FA2H: variants seen among roughly 807,000 people sequenced by gnomAD.
FA2H encodes fatty acid alpha-hydroxylase.
A neutral mutation model predicts 44.9 loss-of-function variants in FA2H; 22 were observed. That is an observed-to-expected ratio of 0.49 (90% CI 0.35 to 0.70). FA2H has a LOEUF of 0.70. FA2H is among the 30% of genes least tolerant of loss of function. FA2H has a pLI of 0.01. For synonymous variants in FA2H, 243 were observed against 213.2 expected (o/e 1.14, Z -1.22); for missense variants, 501 against 504.9 (o/e 0.99, Z 0.07).
chr16:74,752,757 G>C (rs1469005523), intron 1 of FA2H, among the ~76,000 whole-genome samples: 2 of 152,176 alleles, frequency 1.3e-5, no homozygotes, highest in Non-Finnish European at 1.5e-5. Context: ...GAGCCCCCAA[G>C]ACAAACTGGG....
chr16:74,727,107 T>C (rs1449668453), intron 3 of FA2H, 137 bp downstream of exon 3: 13 of 1,200,770 alleles, frequency 1.1e-5, no homozygotes, highest in Non-Finnish European at 1.4e-5. Flanking sequence ...TCCCATGGCA[T>C]GTTCCTCCCT....
chr16:74,766,624 G>T (rs979962597), intron 1 of FA2H, among the ~76,000 whole-genome samples: 1 of 148,424 alleles, frequency 6.7e-6, no homozygotes, highest in Non-Finnish European at 1.5e-5. Context: ...TGAGGGGAAT[G>T]TTCCAGAAGG....
intron 2 of FA2H, among the ~76,000 whole-genome samples, chr16:74,737,559 C>A (rs183804083): frequency 7.9e-5 from 12 of 152,254 alleles, no homozygotes; most frequent in African/African-American, 2.9e-4. Context: ...TGTCCTCTCA[C>A]TCTTCCCAGC....
At chr16:74,733,752 T>C (rs1962125841) in intron 2 of FA2H, among the ~76,000 whole-genome samples, 1 of 152,152 alleles carries the variant, frequency 6.6e-6, no homozygotes, top group African/African-American at 2.4e-5. Context: ...CTTCCTGCTC[T>C]ACCTGACCAA....
intron 1 of FA2H, among the ~76,000 whole-genome samples, chr16:74,760,683 T>C (rs74700329): frequency 1.8e-3 from 270 of 152,320 alleles, no homozygotes; most frequent in Middle Eastern, 6.8e-3. Flanking sequence ...AGCAAACAGC[T>C]TCCGCCTAAG....
chr16:74,723,995 G>T (rs1183705392), intron 4 of FA2H, among the ~76,000 whole-genome samples: 1 of 152,088 alleles, frequency 6.6e-6, no homozygotes, highest in East Asian at 1.9e-4. Flanking sequence ...TCTGCCTCCT[G>T]GGTTCAAACG....
intron 2 of FA2H, among the ~76,000 whole-genome samples, chr16:74,729,573 T>C (rs951052434): frequency 6.6e-6 from 1 of 152,070 alleles, no homozygotes; most frequent in South Asian, 2.1e-4. Context: ...GTTTCACTCA[T>C]AGGGATGCAA....
chr16:74,740,014 G>T lies in FA2H; in HGVS notation c.363+9C>A. On this transcript the variant is annotated intron_variant, in intron 2 of 6. Transcript: ENST00000219368. ...CAGTCATCACCCCACTCCATCCTATGCCAGGTACCTTGTCCCAATCCACCA... is the reference window on the plus strand; with the variant it reads ...CAGTCATCACCCCACTCCATCCTATTCCAGGTACCTTGTCCCAATCCACCA... The T allele has an allele frequency of 6.2e-7, 1 of 1,604,076 alleles. No individual in the cohort carries two copies. Among genetic ancestry groups the T allele is most frequent in the Non-Finnish European group, 8.5e-7 (1 of 1,170,870 alleles).
chr16:74,774,779 G>GC lies in FA2H; in HGVS notation c.-25dup. 7.8e-7 allele frequency: 1 copy of GC among 1,278,114 alleles called. No homozygotes were observed. The highest frequency in any genetic ancestry group is 3.2e-5 in the East Asian group (1 of 30,986). 79.2% of individuals were successfully genotyped at this position (1,278,114 alleles called of 1,614,324 possible). On this transcript the variant is annotated 5_prime_UTR_variant, in exon 1 of 7. Transcript: ENST00000219368. Reference sequence around the variant, plus strand: ...ATGGCCGGAGACCGCAGCTCCCAGCGCGCAGCCCGGCGTCTGCTCTGCTGC... The same window carrying GC: ...ATGGCCGGAGACCGCAGCTCCCAGCGCCGCAGCCCGGCGTCTGCTCTGCTGC...
intron 1 of FA2H, among the ~76,000 whole-genome samples, chr16:74,763,267 GT>G (rs1015361555): frequency 6.6e-6 from 1 of 151,086 alleles, no homozygotes; most frequent in Non-Finnish European, 1.5e-5. Flanking sequence ...ATTTTTTTTT[GT>G]TTTTTTTGAG....
chr16:74,758,013 T>C (rs891759150), intron 1 of FA2H, among the ~76,000 whole-genome samples: 1 of 152,072 alleles, frequency 6.6e-6, no homozygotes, highest in Non-Finnish European at 1.5e-5. Context: ...AGTGAGAGCC[T>C]GTCTTTAAAT....
intron 1 of FA2H, among the ~76,000 whole-genome samples, chr16:74,766,568 C>T (rs1031495699): frequency 6.6e-6 from 1 of 151,828 alleles, no homozygotes; most frequent in Non-Finnish European, 1.5e-5. Flanking sequence ...CAAGAGACTG[C>T]GACAATAGTG....
At chr16:74,738,468 G>A (rs1567641742) in intron 2 of FA2H, among the ~76,000 whole-genome samples, 1 of 152,112 alleles carries the variant, frequency 6.6e-6, no homozygotes. Flanking sequence ...TGGCAATGTG[G>A]GCTGGATCTC....
At chr16:74,741,773 A>AATATATAT (rs57773726) in intron 1 of FA2H, among the ~76,000 whole-genome samples, 1,065 of 47,812 alleles carry the variant, frequency 0.022, 21 homozygotes, top group Middle Eastern at 0.034. Flanking sequence ...CACCTGATTA[A>AATATATAT]ATATATATAT....
chr16:74,767,442 C>G (rs35940755), intron 1 of FA2H, among the ~76,000 whole-genome samples: 1 of 152,296 alleles, frequency 6.6e-6, no homozygotes, highest in African/African-American at 2.4e-5. Context: ...TGTGAATATG[C>G]TACCTGACTT....
chr16:74,737,903 G>A (rs946816937), intron 2 of FA2H, among the ~76,000 whole-genome samples: 2 of 152,148 alleles, frequency 1.3e-5, no homozygotes, highest in South Asian at 2.1e-4. Flanking sequence ...GGAGCACCGC[G>A]GGCTCCCCCA....
chr16:74,725,306 G>A (rs1192640238), intron 4 of FA2H, among the ~76,000 whole-genome samples: 1 of 152,218 alleles, frequency 6.6e-6, no homozygotes, highest in East Asian at 1.9e-4. Flanking sequence ...GCTTCCCCTG[G>A]CAGAGTGAGG....
At chr16:74,725,830 T>C (rs947260691) in intron 4 of FA2H, 4 of 343,344 alleles carry the variant, frequency 1.2e-5, no homozygotes, top group Admixed American at 8.0e-5. Flanking sequence ...CTGTGCTGGG[T>C]TCATAGGCCA....
intron 5 of FA2H, 55 bp from the exon 6 acceptor site, chr16:74,716,654 C>A: frequency 2.7e-6 from 4 of 1,509,020 alleles, no homozygotes; most frequent in Non-Finnish European, 3.5e-6. Flanking sequence ...CGGCAGCTGG[C>A]CAAACCCTGG....
Sources: gnomAD v4.1 joint callset for allele counts (sites outside exome capture counted in the v4.1 genomes callset) on GRCh38, gnomAD v4.1.1 for gene constraint, MANE v1.5 for transcripts, NCBI Gene and HGNC (gene_info 2026-07-23, HGNC 2026-07-21) for gene names.